NTRK3: variants seen among roughly 807,000 people sequenced by gnomAD.
NTRK3 encodes neurotrophic receptor tyrosine kinase 3.
Under a neutral mutation model 91.7 loss-of-function variants are expected in NTRK3, and 24 were observed. That is an observed-to-expected ratio of 0.26 (90% CI 0.19 to 0.37). The LOEUF is 0.37. Among genes scored for constraint, NTRK3 ranks in the 10% least tolerant of loss-of-function variants. The pLI is 1.00. For missense variants in NTRK3, 880 were observed against 1,068.9 expected (o/e 0.82, Z 2.46); for synonymous variants, 483 against 404.0 (o/e 1.20, Z -2.34).
chr15:88,246,053 A>G (rs1177367568), intron 3 of NTRK3, among the ~76,000 whole-genome samples: 1 of 152,188 alleles, frequency 6.6e-6, no homozygotes, highest in Non-Finnish European at 1.5e-5. Context: ...GACCCTCAAG[A>G]AAGAGTCACA....
At chr15:88,236,916 A>G (rs1309768768) in intron 3 of NTRK3, among the ~76,000 whole-genome samples, 5 of 152,112 alleles carry the variant, frequency 3.3e-5, no homozygotes, top group African/African-American at 1.2e-4. Context: ...GGGGATGGTA[A>G]TGTTCTGTCT....
chr15:88,050,226 G>A (rs956639111), intron 13 of NTRK3, among the ~76,000 whole-genome samples: 15 of 152,078 alleles, frequency 9.9e-5, no homozygotes, highest in African/African-American at 2.4e-4. Flanking sequence ...TCAAAGGCAC[G>A]TGTGTCCCAG....
intron 13 of NTRK3, among the ~76,000 whole-genome samples, chr15:88,070,197 AG>A (rs2046985343): frequency 6.6e-6 from 1 of 152,186 alleles, no homozygotes; most frequent in Non-Finnish European, 1.5e-5. Context: ...AGAGGAGAAA[AG>A]GTAAAGACTA....
intron 13 of NTRK3, among the ~76,000 whole-genome samples, chr15:88,088,017 C>A (rs1378072691): frequency 1.3e-5 from 2 of 152,208 alleles, no homozygotes; most frequent in African/African-American, 4.8e-5. Context: ...CGCCACTCCA[C>A]TCCAGCCTGG....
chr15:88,073,914 G>C (rs2150566162), intron 13 of NTRK3, among the ~76,000 whole-genome samples: 1 of 152,154 alleles, frequency 6.6e-6, no homozygotes, highest in East Asian at 1.9e-4. Flanking sequence ...TTCTTTGTTT[G>C]TTTCTTTGTT....
At chr15:88,089,405 C>T (rs1441318363) in intron 13 of NTRK3, among the ~76,000 whole-genome samples, 4 of 152,170 alleles carry the variant, frequency 2.6e-5, no homozygotes, top group Non-Finnish European at 5.9e-5. Flanking sequence ...TGACATCCAT[C>T]AGCACATTTA....
chr15:88,032,469 TG>T (rs1466933593), intron 14 of NTRK3, among the ~76,000 whole-genome samples: 1 of 151,984 alleles, frequency 6.6e-6, no homozygotes, highest in African/African-American at 2.4e-5. Context: ...CATGGAGGCT[TG>T]GGTGGAGGTT....
intron 13 of NTRK3, among the ~76,000 whole-genome samples, chr15:88,067,863 A>G (rs912491221): frequency 6.6e-6 from 1 of 152,236 alleles, no homozygotes; most frequent in Non-Finnish European, 1.5e-5. Context: ...AGTCCTTGAC[A>G]CAGGACTTGA....
exon 3 of NTRK3, chr15:88,256,094 G>A (rs771001903): frequency 1.9e-6 from 3 of 1,612,310 alleles, no homozygotes; most frequent in Non-Finnish European, 2.5e-6. Flanking sequence ...CCAGCCAGAC[G>A]CTTCCCAGCA....
chr15:88,192,523 C>A lies in NTRK3; in HGVS notation c.249-8224G>T, dbSNP rs761308631. On this transcript the variant is annotated intron_variant, in intron 3 of 18. Coordinates refer to ENST00000394480, the Ensembl canonical transcript of NTRK3. Reference sequence around the variant, plus strand: ...TGGCCTCCCTGCTTTCCCTCTTCAACAATCTACATTATTGCAACCACTCTC... The same window carrying A: ...TGGCCTCCCTGCTTTCCCTCTTCAAAAATCTACATTATTGCAACCACTCTC... Among the ~76,000 whole-genome samples, 82 of 152,182 alleles carry A rather than the reference C, an allele frequency of 5.4e-4. 3 individuals are homozygous for A. Among genetic ancestry groups the A allele is most frequent in the South Asian group, 2.1e-4 (1 of 4,830 alleles).
At chr15:87,908,622 G>C (rs2066910739) in intron 17 of NTRK3, 1 of 399,460 alleles carries the variant, frequency 2.5e-6, no homozygotes, top group Non-Finnish European at 4.4e-6. Context: ...GGGATGAAGG[G>C]AGAGGAAGGA....
At chr15:87,921,088 A>T (rs1398925485) in intron 17 of NTRK3, among the ~76,000 whole-genome samples, 1 of 152,214 alleles carries the variant, frequency 6.6e-6, no homozygotes, top group Non-Finnish European at 1.5e-5. Flanking sequence ...CTATTTTTGC[A>T]ACTTTTCTGT....
intron 13 of NTRK3, among the ~76,000 whole-genome samples, chr15:88,075,228 A>C (rs956689133): frequency 1.3e-5 from 2 of 152,180 alleles, no homozygotes; most frequent in African/African-American, 4.8e-5. Flanking sequence ...GCTGGGCCTG[A>C]GCCAAGCCCA....
chr15:88,020,315 C>A (rs2077513829), intron 14 of NTRK3, among the ~76,000 whole-genome samples: 1 of 152,122 alleles, frequency 6.6e-6, no homozygotes, highest in Non-Finnish European at 1.5e-5. Flanking sequence ...TTGGCCTGAG[C>A]CCTCTGCTCA....
In NTRK3 at chr15:88,128,766, A is replaced by C. The variant is rs201505864; in HGVS notation, c.1205-32T>G. 1.4e-4 allele frequency: 218 copies of C among 1,604,254 alleles called. No homozygotes were observed. In the African/African-American group the frequency reaches 2.1e-3, roughly 15 times the overall value. ...AAAAAGGACAAAGAGATAATTAACA[A>C]ATTTAATAAAAACCAGAACAGACAC... On this transcript the variant is annotated intron_variant, in intron 10 of 18. Coordinates refer to ENST00000394480, the Ensembl canonical transcript of NTRK3.
chr15:88,226,628 A>G (rs1009491388), intron 3 of NTRK3, among the ~76,000 whole-genome samples: 5 of 152,132 alleles, frequency 3.3e-5, no homozygotes, highest in South Asian at 2.1e-4. Context: ...TACCAGGGGG[A>G]GCACTGAGCC....
chr15:87,985,452 A>T (rs1260046348), intron 14 of NTRK3, among the ~76,000 whole-genome samples: 2 of 152,218 alleles, frequency 1.3e-5, no homozygotes, highest in Non-Finnish European at 2.9e-5. Context: ...GTTCTATACA[A>T]TATTGAAAGG....
intron 6 of NTRK3, among the ~76,000 whole-genome samples, chr15:88,138,731 C>T (rs1163067898): frequency 6.6e-6 from 1 of 152,192 alleles, no homozygotes; most frequent in Non-Finnish European, 1.5e-5. Flanking sequence ...CCTTGCCATG[C>T]TATATTTGTC....
chr15:87,887,683 C>G (rs541054959), intron 17 of NTRK3, among the ~76,000 whole-genome samples: 229 of 152,242 alleles, frequency 1.5e-3, no homozygotes, highest in African/African-American at 5.1e-3. Context: ...GTGGTCAAAG[C>G]CTTCCCCGGT....
Sources: allele counts gnomAD v4.1 joint callset (sites outside exome capture counted in the v4.1 genomes callset), GRCh38; gene constraint gnomAD v4.1.1; transcripts MANE v1.5; gene names NCBI Gene and HGNC (gene_info 2026-07-23, HGNC 2026-07-21).